CLCN4: variants seen among roughly 807,000 people sequenced by gnomAD.
CLCN4 encodes H(+)/Cl(-) exchange transporter 4.
CLCN4 carries 1 observed loss-of-function variant against 41.7 expected under a neutral mutation model. The ratio of observed to expected loss-of-function variants is 0.02; its 90% confidence interval spans 0.01 to 0.11. The LOEUF (loss-of-function observed/expected upper bound fraction) is 0.11, where lower values mean the gene tolerates loss of function less well. Among genes scored for constraint, CLCN4 ranks in the 10% least tolerant of loss-of-function variants. The probability of loss-of-function intolerance (pLI) is 1.00; values close to 1 mark genes in which losing one functional copy is unlikely to be tolerated. For synonymous variants in CLCN4, 277 were observed against 285.8 expected (o/e 0.97, Z 0.31); for missense variants, 287 against 661.0 (o/e 0.43, Z 6.20).
intron 2 of CLCN4, among the ~76,000 whole-genome samples, chrX:10,181,443 C>G (rs1239301243): frequency 4.5e-5 from 5 of 111,792 alleles, no homozygotes; most frequent in Non-Finnish European, 7.5e-5. Flanking sequence ...CCAACTGTGT[C>G]TGGGGAAATT....
intron 2 of CLCN4, among the ~76,000 whole-genome samples, chrX:10,165,037 C>T (rs1923210178): frequency 8.9e-6 from 1 of 112,718 alleles, no homozygotes; most frequent in Admixed American, 9.3e-5. Flanking sequence ...TTGTTGCCTT[C>T]TCCAAGTGGC....
rs1397650740 is a variant in CLCN4, at chrX:10,237,376, T to C, written c.*3792T>C. ...CTTCTAGCCTTTGAAATGATTTACA[T>C]GAGGAGAGAGCCTGTATATCTGACT... On this transcript the variant is annotated 3_prime_UTR_variant, in exon 13 of 13. Coordinates refer to ENST00000380833, the MANE Select transcript of CLCN4 (RefSeq NM_001830.4). 1.8e-5 allele frequency: 2 copies of C among 111,973 alleles called. No individual in the cohort carries two copies. The highest frequency in any genetic ancestry group is 6.5e-5 in the African/African-American group (2 of 30,791). 9.2% of individuals were successfully genotyped at this position (111,973 alleles called of 1,213,427 possible).
chrX:10,228,712 C>A (rs1412053793), intron 12 of CLCN4, among the ~76,000 whole-genome samples: 1 of 111,630 alleles, frequency 9.0e-6, no homozygotes, highest in East Asian at 2.8e-4. Flanking sequence ...AGAGCTGGTG[C>A]CAGATAATGA....
intron 2 of CLCN4, among the ~76,000 whole-genome samples, chrX:10,165,076 G>T (rs1245982555): frequency 3.5e-5 from 4 of 112,898 alleles, no homozygotes. Flanking sequence ...CCTGTCACGT[G>T]CGCTTCTGCG....
At chrX:10,183,945 T>C (rs1009355361) in intron 2 of CLCN4, among the ~76,000 whole-genome samples, 2 of 112,172 alleles carry the variant, frequency 1.8e-5, no homozygotes, top group African/African-American at 6.5e-5. Flanking sequence ...CGGCAGGTTG[T>C]CCCACCTCCC....
At chrX:10,233,274 A>T (rs187622098) in intron 12 of CLCN4, among the ~76,000 whole-genome samples, 154 of 111,969 alleles carry the variant, frequency 1.4e-3, no homozygotes, top group African/African-American at 4.8e-3. Context: ...ATGAGAAGAG[A>T]GAGTGGGGGG....
chrX:10,222,338 C>T (rs1924881312), intron 12 of CLCN4, among the ~76,000 whole-genome samples: 1 of 111,733 alleles, frequency 8.9e-6, no homozygotes, highest in Admixed American at 9.5e-5. Context: ...GGGTTATCTG[C>T]CCATTTTATT....
chrX:10,195,509 A>G (rs1399177818), intron 5 of CLCN4, among the ~76,000 whole-genome samples: 1 of 112,114 alleles, frequency 8.9e-6, no homozygotes. Context: ...ATAAATTCAC[A>G]GTTCACATTG....
intron 2 of CLCN4, among the ~76,000 whole-genome samples, chrX:10,161,781 G>T (rs753605445): frequency 4.5e-5 from 5 of 111,306 alleles, no homozygotes; most frequent in African/African-American, 1.6e-4. Flanking sequence ...AGCAAGGGGT[G>T]GGGGAGAGGC....
rs1925270934 is a variant in CLCN4 at position 10,237,048 on chromosome X, G to C, written c.*3464G>C. The C allele has an allele frequency of 8.9e-6, 1 of 112,370 alleles. No homozygotes were observed. The allele number at this position is 112,370 out of a possible 1,213,427, so 9.3% of individuals were successfully genotyped here. ...AGTCATTCAATATTCAGTGCTTACT[G>C]TTACTTTGAACCAGGTAATCTCAGT... is the stretch of plus-strand genomic sequence containing the variant. On this transcript the variant is annotated 3_prime_UTR_variant, in exon 13 of 13. Transcript: ENST00000380833.
chrX:10,200,031 G>A (rs757896063), intron 6 of CLCN4, among the ~76,000 whole-genome samples: 71 of 112,047 alleles, frequency 6.3e-4, no homozygotes, highest in African/African-American at 2.2e-3. Context: ...GATTACAGGC[G>A]TGAGCCGCCA....
chrX:10,233,135 G>T (rs1446645720), intron 12 of CLCN4, among the ~76,000 whole-genome samples: 1 of 112,041 alleles, frequency 8.9e-6, no homozygotes, highest in Non-Finnish European at 1.9e-5. Flanking sequence ...ATGCAATAAA[G>T]GTTTATTTTT....
intron 2 of CLCN4, among the ~76,000 whole-genome samples, chrX:10,175,745 G>A (rs1420058406): frequency 9.0e-6 from 1 of 111,173 alleles, no homozygotes; most frequent in African/African-American, 3.3e-5. Context: ...CTTTGTTAGC[G>A]CTATGGTATG....
chrX:10,191,672 C>T (rs1046349332), intron 4 of CLCN4, among the ~76,000 whole-genome samples: 3 of 100,095 alleles, frequency 3.0e-5, no homozygotes, highest in African/African-American at 7.7e-5. Context: ...ACTATAGGCG[C>T]GTGCCACCAT....
intron 12 of CLCN4, among the ~76,000 whole-genome samples, chrX:10,232,683 T>C (rs1925155872): frequency 9.0e-6 from 1 of 111,452 alleles, no homozygotes; most frequent in South Asian, 3.8e-4. Context: ...AAACAAGGCT[T>C]GCTATGAATG....
At chrX:10,199,165 T>C (rs1436068761) in intron 6 of CLCN4, among the ~76,000 whole-genome samples, 1 of 112,555 alleles carries the variant, frequency 8.9e-6, no homozygotes, top group Non-Finnish European at 1.9e-5. Flanking sequence ...CAACCTGTTT[T>C]CTCAGCGCAG....
At chrX:10,184,984 T>C in intron 2 of CLCN4, 38 bp from the exon 3 acceptor site, 1 of 1,137,421 alleles carries the variant, frequency 8.8e-7, no homozygotes, top group Non-Finnish European at 1.2e-6. Flanking sequence ...CCATGGCATG[T>C]CCTGCTCATG....
At chrX:10,199,072 A>T (rs1228852088) in intron 6 of CLCN4, among the ~76,000 whole-genome samples, 1 of 112,729 alleles carries the variant, frequency 8.9e-6, no homozygotes, top group African/African-American at 3.2e-5. Flanking sequence ...GATAGAAAAA[A>T]GAAGTCTTAA....
Position 10,204,613 on chromosome X carries a change from C to CTTTTTTTTTTTTTTTTTTTTTTTTT in CLCN4, c.556-1733_556-1709dup, listed in dbSNP as rs61453535. The stretch of plus-strand genomic sequence containing the variant: ...CTATTCTCACCAGAAAGCTAGTAGT[C>CTTTTTTTTTTTTTTTTTTTTTTTTT]TTTTTTTTTTTTTTTTTTTTTTTTT... On this transcript the variant is annotated intron_variant, in intron 6 of 12. Transcript: ENST00000380833. 2.2e-4 allele frequency among the ~76,000 whole-genome samples: 6 copies of CTTTTTTTTTTTTTTTTTTTTTTTTT among 27,347 alleles called. 2 individuals are homozygous for CTTTTTTTTTTTTTTTTTTTTTTTTT. Among genetic ancestry groups the CTTTTTTTTTTTTTTTTTTTTTTTTT allele is most frequent in the Admixed American group, 5.5e-4 (1 of 1,834 alleles). 23.7% of individuals were successfully genotyped at this position (27,347 alleles called of 115,157 possible).
Sources: allele counts gnomAD v4.1 joint callset (sites outside exome capture counted in the v4.1 genomes callset), GRCh38; gene constraint gnomAD v4.1.1; transcripts MANE v1.5; gene names NCBI Gene and HGNC (gene_info 2026-07-23, HGNC 2026-07-21).